MAP4K5: variants seen among roughly 807,000 people sequenced by gnomAD.
MAP4K5 encodes mitogen-activated protein kinase kinase kinase kinase 5.
Under a neutral mutation model 135.6 loss-of-function variants are expected in MAP4K5, and 82 were observed. The observed-to-expected ratio is 0.60, with a 90% CI of 0.51 to 0.73. The LOEUF (loss-of-function observed/expected upper bound fraction) is 0.73. MAP4K5 is among the 30% of genes least tolerant of loss of function. The pLI, the probability that MAP4K5 is intolerant of heterozygous loss-of-function variation, is 0.00. For synonymous variants in MAP4K5, 347 were observed against 335.0 expected, an observed-to-expected ratio of 1.04 and a Z score of -0.39; for missense variants, 907 against 1,010.9, an observed-to-expected ratio of 0.90 and a Z score of 1.39.
At chr14:50,512,865 T>C (rs2037958398) in intron 2 of MAP4K5, among the ~76,000 whole-genome samples, 1 of 152,182 alleles carries the variant, frequency 6.6e-6, no homozygotes, top group Non-Finnish European at 1.5e-5. Flanking sequence ...TCAATTCTTT[T>C]TGTTTTTAAC....
At chr14:50,454,232 G>T (rs753298355) in intron 14 of MAP4K5, among the ~76,000 whole-genome samples, 1 of 152,176 alleles carries the variant, frequency 6.6e-6, no homozygotes, top group Non-Finnish European at 1.5e-5. Flanking sequence ...ATGTGACAGA[G>T]ATCAGAATAG....
intron 1 of MAP4K5, among the ~76,000 whole-genome samples, chr14:50,544,368 G>C (rs1253068523): frequency 2.0e-5 from 3 of 152,144 alleles, no homozygotes; most frequent in African/African-American, 2.4e-5. Flanking sequence ...TGTCCATCAG[G>C]GGAGACTGAG....
At chr14:50,426,106 C>T (rs563259298) in intron 30 of MAP4K5, 129 bp from the exon 31 acceptor site, 6 of 484,926 alleles carry the variant, frequency 1.2e-5, no homozygotes, top group East Asian at 9.2e-5. Context: ...GTCTAGACCA[C>T]GATTTCTCAA....
At chr14:50,458,357 A>G (rs1409158997) in intron 13 of MAP4K5, among the ~76,000 whole-genome samples, 1 of 152,068 alleles carries the variant, frequency 6.6e-6, no homozygotes, top group Non-Finnish European at 1.5e-5. Flanking sequence ...CTGTTCAAGC[A>G]ATGCCCCCCA....
intron 2 of MAP4K5, among the ~76,000 whole-genome samples, chr14:50,529,543 T>C (rs2038341194): frequency 6.6e-6 from 1 of 152,186 alleles, no homozygotes; most frequent in Admixed American, 6.6e-5. Context: ...AAGTACTTAC[T>C]CTGTGGCAGG....
At chr14:50,473,870 C>T (rs1361454319) in intron 9 of MAP4K5, among the ~76,000 whole-genome samples, 2 of 151,832 alleles carry the variant, frequency 1.3e-5, no homozygotes, top group African/African-American at 2.4e-5. Context: ...ACTACAGGCA[C>T]CTGCCACGAC....
In MAP4K5 at chr14:50,524,158, A is replaced by G. The variant is rs1282668991; in HGVS notation, c.108+7784T>C. Among the ~76,000 whole-genome samples the G allele has an allele frequency of 2.0e-5, 3 of 152,244 alleles. No individual in the cohort carries two copies. In the East Asian group the frequency reaches 5.8e-4, roughly 29 times the overall value. ...TCTTAGACACTTGGGTGATACGACA[A>G]ACTTAAAGAATGGTAACTGAATGCT... On this transcript the variant is annotated intron_variant, in intron 2 of 32. Coordinates refer to ENST00000682126, the MANE Select transcript of MAP4K5 (RefSeq NM_006575.6).
intron 13 of MAP4K5, among the ~76,000 whole-genome samples, chr14:50,462,236 A>C (rs2036727320): frequency 6.6e-6 from 1 of 152,178 alleles, no homozygotes; most frequent in African/African-American, 2.4e-5. Flanking sequence ...ATTTCCTTGG[A>C]AACAGATGTT....
rs185063396 is a variant in MAP4K5 at position 50,537,701 on chromosome 14, G to A, written c.-94+4798C>T. Among the ~76,000 whole-genome samples, 20 of 152,342 alleles carry A rather than the reference G, an allele frequency of 1.3e-4. 1 individual carries two copies. The highest frequency in any genetic ancestry group is 4.1e-4 in the African/African-American group (17 of 41,586). ...CTTAGATGTGAGACATGGAGTCAAA[G>A]GAGATCATTTTGGATCTTTAAGATA... On this transcript the variant is annotated intron_variant, in intron 2 of 8. Transcript: ENST00000555216.
At chr14:50,458,170 C>A (rs1411555843) in intron 13 of MAP4K5, among the ~76,000 whole-genome samples, 1 of 152,134 alleles carries the variant, frequency 6.6e-6, no homozygotes, top group African/African-American at 2.4e-5. Context: ...GATGACCTCA[C>A]CACTTACTTC....
At chr14:50,458,791 A>G (rs1181676305) in intron 13 of MAP4K5, among the ~76,000 whole-genome samples, 2 of 151,910 alleles carry the variant, frequency 1.3e-5, no homozygotes, top group Non-Finnish European at 2.9e-5. Flanking sequence ...TCAAATTTAT[A>G]TTTTTATTAT....
rs536386316 is a variant in MAP4K5, at chr14:50,421,003, A to G, written c.2454-897T>C. On this transcript the variant is annotated intron_variant, in intron 32 of 32. Transcript: ENST00000682126. ...AAAGTTTCTAGAGGAGGAATGGGAGAAAAAAAACTGCACATAACACTTATT... is the reference window on the plus strand; with the variant it reads ...AAAGTTTCTAGAGGAGGAATGGGAGGAAAAAAACTGCACATAACACTTATT... Among the ~76,000 whole-genome samples, 6 of 152,066 alleles carry G rather than the reference A, an allele frequency of 3.9e-5. No individual in the cohort carries two copies. In the South Asian group the frequency reaches 1.2e-3, roughly 32 times the overall value.
intron 14 of MAP4K5, among the ~76,000 whole-genome samples, chr14:50,454,761 C>T (rs1351079731): frequency 6.6e-6 from 1 of 151,688 alleles, no homozygotes; most frequent in Non-Finnish European, 1.5e-5. Context: ...TCAACTCTCC[C>T]AAAGTAATAA....
chr14:50,532,054 A>C lies in MAP4K5; in HGVS notation c.-5T>G, dbSNP rs1595557758. 4 of 1,541,588 alleles carry C rather than the reference A, an allele frequency of 2.6e-6. No homozygotes were observed. The highest frequency in any genetic ancestry group is 3.5e-6 in the Non-Finnish European group (4 of 1,136,512). On this transcript the variant is annotated 5_prime_UTR_variant, in exon 2 of 33. Transcript: ENST00000682126. ...AGGCCGCAGCGGGGCCTCCATCTTC[A>C]CTTAGGGCCCGGCCCCCGCCAGCTC...
chr14:50,522,052 A>C (rs2038163644), intron 2 of MAP4K5, among the ~76,000 whole-genome samples: 1 of 152,202 alleles, frequency 6.6e-6, no homozygotes, highest in Admixed American at 6.5e-5. Context: ...CCACAATGTT[A>C]GTTTACAAGT....
intron 15 of MAP4K5, among the ~76,000 whole-genome samples, chr14:50,447,991 A>G (rs1363881303): frequency 1.3e-5 from 2 of 150,826 alleles, no homozygotes; most frequent in Non-Finnish European, 2.9e-5. Context: ...ATCTTGCTTC[A>G]TTACTTTTTT....
In MAP4K5 at chr14:50,456,548, G is replaced by A. The variant is rs2036597982; in HGVS notation, c.983C>T (p.Ala328Val). ...RHTIRSTNRN[A>V]RAERTASEIN... ...TTCTGAAGCTGTCCGTTCAGCTCTG[G>A]CATTCCTGTTTGTAGATCTAATGGT... The change falls in exon 14 of 33, where the codon GCC (alanine) becomes GTC (valine). Residue 328 changes from alanine (A) to valine (V), a missense_variant. Physicochemically the swap from Ala to Val is moderately conservative, Grantham distance 64. Transcript: ENST00000682126. 4.4e-6 allele frequency: 7 copies of A among 1,580,084 alleles called. No individual in the cohort carries two copies. Among genetic ancestry groups the A allele is most frequent in the Admixed American group, 3.6e-5 (2 of 54,946 alleles).
intron 9 of MAP4K5, among the ~76,000 whole-genome samples, chr14:50,474,609 T>A (rs1595484776): frequency 6.6e-6 from 1 of 151,062 alleles, no homozygotes; most frequent in African/African-American, 2.4e-5. Flanking sequence ...GATGAAGGAG[T>A]TTTAACAACC....
intron 21 of MAP4K5, among the ~76,000 whole-genome samples, chr14:50,441,594 T>A (rs1167024712): frequency 1.3e-5 from 2 of 151,960 alleles, no homozygotes; most frequent in East Asian, 3.9e-4. Flanking sequence ...GGAGAGGTGA[T>A]ACACACCTGT....
Sources: gnomAD v4.1 joint callset for allele counts (sites outside exome capture counted in the v4.1 genomes callset) on GRCh38, gnomAD v4.1.1 for gene constraint, MANE v1.5 for transcripts, NCBI Gene and HGNC (gene_info 2026-07-23, HGNC 2026-07-21) for gene names.